Variants in ESR1 observed in about 807,000 individuals in gnomAD.
The protein encoded by ESR1 is estrogen receptor 1.
Under a neutral mutation model 52.7 loss-of-function variants are expected in ESR1, and 12 were observed. That is an observed-to-expected ratio of 0.23 (90% confidence interval 0.15 to 0.37). ESR1 has a LOEUF of 0.37. Among genes scored for constraint, ESR1 ranks in the 10% least tolerant of loss-of-function variants. The pLI, the probability that ESR1 is intolerant of heterozygous loss-of-function variation, is 1.00. For missense variants in ESR1, 584 were observed against 779.7 expected (o/e 0.75, Z 2.99); for synonymous variants, 305 against 316.8 (o/e 0.96, Z 0.39).
At chr6:151,721,277 T>C (rs1347988364) in intron 2 of ESR1, among the ~76,000 whole-genome samples, 3 of 152,118 alleles carry the variant, frequency 2.0e-5, no homozygotes, top group Non-Finnish European at 4.4e-5. Flanking sequence ...CTTGGCAAGT[T>C]AGGGGAGTCG....
chr6:151,679,152 T>C (rs2115287320), intron 1 of ESR1, among the ~76,000 whole-genome samples: 1 of 152,334 alleles, frequency 6.6e-6, no homozygotes, highest in South Asian at 2.1e-4. Context: ...TGCAGTGGTC[T>C]TTTTCTTACC....
intron 1 of ESR1, among the ~76,000 whole-genome samples, chr6:151,832,553 G>A (rs1158048654): frequency 1.3e-5 from 2 of 152,144 alleles, no homozygotes; most frequent in Admixed American, 1.3e-4. Context: ...CATTTAGATG[G>A]ACTGGGATGT....
Position 151,747,454 on chromosome 6 carries a change from G to A in ESR1, c.-71+45449G>A, listed in dbSNP as rs554187673. ...CATGCTATTTTTCTTTCTGGGTTTT[G>A]TTGTCAACACAATCTCATCTGCTCT... On this transcript the variant is annotated intron_variant, in intron 2 of 2. Transcript: ENST00000404742. 2.6e-5 allele frequency among the ~76,000 whole-genome samples: 4 copies of A among 152,230 alleles called. No homozygotes were observed. In the South Asian group the frequency reaches 8.3e-4, roughly 32 times the overall value.
chr6:151,861,616 G>A (rs1321820338), intron 2 of ESR1, among the ~76,000 whole-genome samples: 1 of 152,172 alleles, frequency 6.6e-6, no homozygotes, highest in Non-Finnish European at 1.5e-5. Flanking sequence ...AAGCCCAGAA[G>A]TGAGTTGTTC....
intron 2 of ESR1, among the ~76,000 whole-genome samples, chr6:151,798,534 A>G (rs1464536934): frequency 6.6e-6 from 1 of 152,244 alleles, no homozygotes; most frequent in Non-Finnish European, 1.5e-5. Context: ...GTTTTACACT[A>G]AATTCTTTTG....
At chr6:151,920,178 A>G (rs2031328709) in intron 3 of ESR1, among the ~76,000 whole-genome samples, 1 of 152,142 alleles carries the variant, frequency 6.6e-6, no homozygotes, top group Admixed American at 6.5e-5. Flanking sequence ...CTAAGGTAGG[A>G]TGATTCAGCT....
At chr6:151,930,935 G>C (rs2033504819) in intron 3 of ESR1, among the ~76,000 whole-genome samples, 1 of 152,004 alleles carries the variant, frequency 6.6e-6, no homozygotes, top group African/African-American at 2.4e-5. Context: ...CCCTGCCCTG[G>C]CTCTGGCTTT....
At chr6:151,964,715 C>T (rs966222948) in intron 4 of ESR1, among the ~76,000 whole-genome samples, 3 of 151,784 alleles carry the variant, frequency 2.0e-5, no homozygotes, top group Admixed American at 6.6e-5. Context: ...GATCTCCACT[C>T]ACTGCAAGCT....
At chr6:151,850,012 G>A (rs2042180) in intron 2 of ESR1, among the ~76,000 whole-genome samples, 4,054 of 41,140 alleles carry the variant, frequency 0.099, 230 homozygotes, top group African/African-American at 0.13. Context: ...ATATAATTTT[G>A]TATATATATA....
chr6:151,959,703 TA>T (rs942931936), intron 4 of ESR1, among the ~76,000 whole-genome samples: 1 of 152,030 alleles, frequency 6.6e-6, no homozygotes, highest in Non-Finnish European at 1.5e-5. Flanking sequence ...CTTTTTTTTT[TA>T]ATTAGAAAAA....
chr6:151,743,199 C>G (rs1783226000), intron 2 of ESR1, among the ~76,000 whole-genome samples: 1 of 152,004 alleles, frequency 6.6e-6, no homozygotes, highest in Admixed American at 6.6e-5. Flanking sequence ...TGGGGGCTGA[C>G]ACTGTTGGGA....
At chr6:151,794,485 A>C (rs1280048770) in intron 2 of ESR1, among the ~76,000 whole-genome samples, 1 of 152,228 alleles carries the variant, frequency 6.6e-6, no homozygotes, top group Non-Finnish European at 1.5e-5. Flanking sequence ...TTGAAAGATT[A>C]CTTCCAAATT....
chr6:152,072,060 T>C (rs1160203376), intron 6 of ESR1, among the ~76,000 whole-genome samples: 1 of 148,588 alleles, frequency 6.7e-6, no homozygotes, highest in Non-Finnish European at 1.5e-5. Flanking sequence ...CAGAGGAGAG[T>C]TATGGAGGGT....
intron 2 of ESR1, among the ~76,000 whole-genome samples, chr6:151,714,986 T>C (rs1019828995): frequency 1.3e-5 from 2 of 152,212 alleles, no homozygotes; most frequent in African/African-American, 4.8e-5. Flanking sequence ...AGTTTTACCT[T>C]TCCATATTTA....
chr6:151,959,633 G>A (rs977577074), intron 4 of ESR1, among the ~76,000 whole-genome samples: 1 of 152,154 alleles, frequency 6.6e-6, no homozygotes, highest in African/African-American at 2.4e-5. Context: ...TGGAGCATGG[G>A]TGGTGAATCT....
intron 1 of ESR1, chr6:151,811,004 T>C (rs998158536): frequency 6.6e-6 from 1 of 152,208 alleles, no homozygotes; most frequent in African/African-American, 2.4e-5. Flanking sequence ...ACTTTTCTAT[T>C]GTAGAATGGT....
In ESR1 at chr6:151,990,748, A is replaced by G. The variant is rs369841179; in HGVS notation, c.1097-20908A>G. Among the ~76,000 whole-genome samples the G allele has an allele frequency of 1.1e-4, 17 of 152,258 alleles. No individual in the cohort carries two copies. The East Asian group carries it at 3.1e-3, about 28-fold the overall frequency. On this transcript the variant is annotated intron_variant, in intron 4 of 7. Transcript: ENST00000206249. ...CCATTCTCCACACAATAACGAAATG[A>G]CGTCTTCTCAACCTTGGCAATGTAG...
At chr6:151,712,224 C>T (rs906714333) in intron 2 of ESR1, among the ~76,000 whole-genome samples, 3 of 152,118 alleles carry the variant, frequency 2.0e-5, no homozygotes, top group African/African-American at 4.8e-5. Context: ...GGTACCAGTA[C>T]CATGCTGTTT....
chr6:151,824,112 T>C (rs1488936993), intron 1 of ESR1, among the ~76,000 whole-genome samples: 1 of 152,154 alleles, frequency 6.6e-6, no homozygotes, highest in Non-Finnish European at 1.5e-5. Flanking sequence ...TTCCTGTTTC[T>C]CCACATCCTC....
Sources: gnomAD v4.1 joint callset for allele counts (sites outside exome capture counted in the v4.1 genomes callset) on GRCh38, gnomAD v4.1.1 for gene constraint, MANE v1.5 for transcripts, NCBI Gene and HGNC (gene_info 2026-07-23, HGNC 2026-07-21) for gene names.